Variants in SLC15A1 observed in about 807,000 individuals in gnomAD.
SLC15A1 encodes the protein Caco-2 oligopeptide transporter.
Under a neutral mutation model 92.9 loss-of-function variants are expected in SLC15A1, and 83 were observed. The observed-to-expected ratio is 0.89, with a 90% CI of 0.75 to 1.07. The LOEUF (loss-of-function observed/expected upper bound fraction) is 1.07, where lower values mean the gene tolerates loss of function less well. Among genes scored for constraint, SLC15A1 ranks in the 50% least tolerant of loss-of-function variants. The pLI, the probability that SLC15A1 is intolerant of heterozygous loss-of-function variation, is 0.00. For missense variants in SLC15A1, 857 were observed against 880.1 expected (o/e 0.97, Z 0.33); for synonymous variants, 322 against 318.2 (o/e 1.01, Z -0.13).
chr13:98,685,314 T>C (rs16955725), intron 22 of SLC15A1, among the ~76,000 whole-genome samples: 14,106 of 152,168 alleles, frequency 0.093, 813 homozygotes, highest in African/African-American at 0.14. Context: ...ACGTTCCTCC[T>C]TGGAAACACC....
intron 1 of SLC15A1, among the ~76,000 whole-genome samples, chr13:98,745,878 T>C (rs889127372): frequency 1.3e-5 from 2 of 152,226 alleles, no homozygotes; most frequent in South Asian, 2.1e-4. Context: ...ATTATTTATT[T>C]ACCATTTTAA....
intron 1 of SLC15A1, among the ~76,000 whole-genome samples, chr13:98,728,992 AAAAAAAAAAAAAAAC>A (rs1266129324): frequency 5.5e-5 from 8 of 146,760 alleles, no homozygotes; most frequent in South Asian, 2.2e-4. Context: ...AAAAAAAAAA[AAAAAAAAAAAAAAAC>A]AACAAGCCCC....
At chr13:98,708,123 G>GA (rs2088130676) in intron 15 of SLC15A1, among the ~76,000 whole-genome samples, 1 of 152,032 alleles carries the variant, frequency 6.6e-6, no homozygotes, top group African/African-American at 2.4e-5. Context: ...GAAAGACAGA[G>GA]AGAGAGAGGC....
intron 22 of SLC15A1, among the ~76,000 whole-genome samples, chr13:98,685,847 G>A (rs2087924426): frequency 6.6e-6 from 1 of 152,072 alleles, no homozygotes; most frequent in Non-Finnish European, 1.5e-5. Context: ...TTAGCCGGGT[G>A]TGGTGGTGGG....
At position 98,688,232 on chromosome 13, in the gene SLC15A1, G is replaced by T; in HGVS notation, c.1683+16C>A. 6.5e-7 allele frequency: 1 copy of T among 1,536,396 alleles called. No individual in the cohort carries two copies. The highest frequency in any genetic ancestry group is 1.1e-5 in the South Asian group (1 of 88,154). On this transcript the variant is annotated intron_variant, in intron 20 of 22. Transcript: ENST00000376503. Reference sequence around the variant, plus strand: ...GTATGAGCAGATCTTCTGATACAATGAAACGAGTTACTAACCTTCCTTTGG... The same window carrying T: ...GTATGAGCAGATCTTCTGATACAATTAAACGAGTTACTAACCTTCCTTTGG...
intron 9 of SLC15A1, among the ~76,000 whole-genome samples, chr13:98,713,198 G>A (rs1330340181): frequency 6.6e-6 from 1 of 152,060 alleles, no homozygotes; most frequent in African/African-American, 2.4e-5. Context: ...CTGGGACCAC[G>A]GGTATGTACC....
At position 98,684,639 on chromosome 13, in the gene SLC15A1, G is replaced by T; in HGVS notation, c.*85C>A. On this transcript the variant is annotated 3_prime_UTR_variant, in exon 23 of 23. Coordinates refer to ENST00000376503, the MANE Select transcript of SLC15A1 (RefSeq NM_005073.4). The stretch of plus-strand genomic sequence containing the variant: ...AATTCTGAAGTCTTCCTCATCAGGG[G>T]CCATCCAATGGAGTGTCCTGCTACC... The T allele has an allele frequency of 2.1e-6, 2 of 967,084 alleles. No individual in the cohort carries two copies. The highest frequency in any genetic ancestry group is 3.2e-6 in the Non-Finnish European group (2 of 628,754). The allele number at this position is 967,084 out of a possible 1,614,324, so 59.9% of individuals were successfully genotyped here. A position where few individuals can be genotyped will look rare whatever the true frequency, so the allele number is the denominator to read the frequency against.
At chr13:98,716,076 T>C (rs895144892) in intron 8 of SLC15A1, 116 bp from the exon 9 acceptor site, 24 of 858,036 alleles carry the variant, frequency 2.8e-5, no homozygotes, top group Admixed American at 1.0e-4. Context: ...GGATTACTTA[T>C]GGAATGGGTT....
chr13:98,718,354 C>A (rs2088228286), intron 8 of SLC15A1, among the ~76,000 whole-genome samples: 1 of 109,956 alleles, frequency 9.1e-6, no homozygotes, highest in Non-Finnish European at 1.6e-5. Context: ...GGGTCTTGCT[C>A]TATCATCCAG....
chr13:98,699,804 C>T (rs2088053139), intron 18 of SLC15A1, among the ~76,000 whole-genome samples: 1 of 152,202 alleles, frequency 6.6e-6, no homozygotes, highest in Admixed American at 6.5e-5. Flanking sequence ...ACAATTATTA[C>T]AGCCACCTGA....
At chr13:98,719,443 T>G (rs2088236987) in intron 7 of SLC15A1, 123 bp from the exon 8 acceptor site, 1 of 610,068 alleles carries the variant, frequency 1.6e-6, no homozygotes, top group Non-Finnish European at 2.8e-6. Flanking sequence ...GACATATCCA[T>G]TTGCCTCACT....
intron 1 of SLC15A1, among the ~76,000 whole-genome samples, chr13:98,750,929 T>C (rs1299564799): frequency 6.6e-6 from 1 of 151,990 alleles, no homozygotes; most frequent in Non-Finnish European, 1.5e-5. Flanking sequence ...TTTTTATATA[T>C]TTTTAGTAGA....
chr13:98,708,563 G>A, intron 15 of SLC15A1, 123 bp downstream of exon 15: 1 of 746,578 alleles, frequency 1.3e-6, no homozygotes, highest in South Asian at 2.5e-5. Context: ...ACAGCTCCAG[G>A]GCTCAGTTTA....
chr13:98,733,369 G>A (rs772328039), intron 1 of SLC15A1, among the ~76,000 whole-genome samples: 1 of 152,268 alleles, frequency 6.6e-6, no homozygotes, highest in Non-Finnish European at 1.5e-5. Flanking sequence ...TCAAATTCCT[G>A]CCACATTTTA....
intron 1 of SLC15A1, among the ~76,000 whole-genome samples, chr13:98,739,915 T>C (rs1015134738): frequency 2.1e-4 from 2 of 9,524 alleles, no homozygotes; most frequent in African/African-American, 2.8e-3. Context: ...TGGACTGACT[T>C]AAAATACGAC....
Position 98,719,238 on chromosome 13 carries a change from C to G in SLC15A1, c.639G>C (p.Leu213=), listed in dbSNP as rs748898731. The change falls in exon 8 of 23, where the codon CTG becomes CTC. Residue 213 remains leucine (L), a splice_region_variant and synonymous_variant. Transcript: ENST00000376503. ...GVPAALMAVA[L]IVFVLGSGMY... ...TTAATTCAACCGATTTCCACTTACT[C>G]AGGGCTACAGCCATGAGAGCAGCAG... is the stretch of plus-strand genomic sequence containing the variant. 4 of 1,611,756 alleles carry G rather than the reference C, an allele frequency of 2.5e-6. No homozygotes were observed. The highest frequency in any genetic ancestry group is 3.3e-5 in the Admixed American group (2 of 59,928).
chr13:98,686,287 T>C lies in SLC15A1; in HGVS notation c.1838A>G (p.Asn613Ser). 6.2e-7 allele frequency: 1 copy of C among 1,610,028 alleles called. No individual in the cohort carries two copies. Among genetic ancestry groups the C allele is most frequent in the Non-Finnish European group, 8.5e-7 (1 of 1,178,122 alleles). ...LEFSYSQAPS[N>S]MKSVLQAGWL... is the part of the protein sequence containing the mutation. ...TCCTGCCTGAAGCACCGACTTCATG[T>C]TGGAAGGAGCCTGAGGAAGCAAAGC... Residue 613 changes from asparagine to serine, a missense_variant, in exon 22 of 23, where the codon AAC becomes AGC. Coordinates refer to ENST00000376503, the MANE Select transcript of SLC15A1 (RefSeq NM_005073.4).
Position 98,721,888 on chromosome 13 carries a change from G to A in SLC15A1, c.381C>T (p.Ile127=), listed in dbSNP as rs45562237. 75 of 1,613,478 alleles carry A rather than the reference G, an allele frequency of 4.6e-5. No homozygotes were observed. The highest frequency in any genetic ancestry group is 6.1e-5 in the Non-Finnish European group (72 of 1,179,686). Residue 127 remains isoleucine, a synonymous_variant, in exon 6 of 23, where the codon ATC becomes ATT. Coordinates refer to ENST00000376503, the MANE Select transcript of SLC15A1 (RefSeq NM_005073.4). ...TCCCGAGAGCTATCAGGGCCAGGCC[G>A]ATCAAGGACAGCACCCTGGGAAAGA... ...SLPVHVVLSL[I]GLALIALGTG...
rs1357597418 is a variant in SLC15A1, at chr13:98,687,727, G to T, written c.1684-3C>A. On this transcript the variant is annotated splice_region_variant and splice_polypyrimidine_tract_variant and intron_variant, in intron 20 of 22. Coordinates refer to ENST00000376503, the MANE Select transcript of SLC15A1 (RefSeq NM_005073.4). ...TTCACTTCAGGGCAGCTGTCATTCT[G>T]CAGCAGTAAGGCAAAAGCAGAAGAA... 1.2e-6 allele frequency: 2 copies of T among 1,612,162 alleles called. No homozygotes were observed. The highest frequency in any genetic ancestry group is 2.2e-5 in the South Asian group (2 of 90,332).
Sources: allele counts gnomAD v4.1 joint callset (sites outside exome capture counted in the v4.1 genomes callset), GRCh38; gene constraint gnomAD v4.1.1; transcripts MANE v1.5; gene names NCBI Gene and HGNC (gene_info 2026-07-23, HGNC 2026-07-21).